Variants in ITSN2 observed in about 807,000 individuals in gnomAD.
The protein encoded by ITSN2 is intersectin 2, also known as intersectin-2.
Under a neutral mutation model 243.7 loss-of-function variants are expected in ITSN2, and 156 were observed. The ratio of observed to expected loss-of-function variants is 0.64; its 90% CI spans 0.56 to 0.73. The LOEUF is 0.73. ITSN2 is among the 30% of genes least tolerant of loss of function. The pLI is 0.00. For synonymous variants in ITSN2, 703 were observed against 699.9 expected, an observed-to-expected ratio of 1.00 and a Z score of -0.07; for missense variants, 1,801 against 1,996.1, an observed-to-expected ratio of 0.90 and a Z score of 1.86.
At chr2:24,231,856 T>A (rs1352498427) in intron 29 of ITSN2, among the ~76,000 whole-genome samples, 1 of 152,198 alleles carries the variant, frequency 6.6e-6, no homozygotes, top group East Asian at 1.9e-4. Context: ...TGTGCCCACT[T>A]ATGCGGCCAG....
intron 1 of ITSN2, 32 bp from the exon 2 acceptor site, chr2:24,328,147 TACA>T (rs1265954548): frequency 5.9e-6 from 9 of 1,522,450 alleles, no homozygotes; most frequent in East Asian, 2.3e-5. Flanking sequence ...CCGTTGATAA[TACA>T]ACAAGGGCAA....
At chr2:24,289,634 C>T (rs1053316495) in intron 15 of ITSN2, among the ~76,000 whole-genome samples, 4 of 152,172 alleles carry the variant, frequency 2.6e-5, no homozygotes, top group African/African-American at 9.7e-5. Context: ...TCCAGCATTA[C>T]GTTGAACAGA....
intron 20 of ITSN2, among the ~76,000 whole-genome samples, chr2:24,266,116 A>AT (rs1183983802): frequency 6.6e-6 from 1 of 152,236 alleles, no homozygotes; most frequent in African/African-American, 2.4e-5. Context: ...GCCTTCCTCC[A>AT]TCCTATCCTT....
chr2:24,352,058 T>A (rs1688068427), intron 1 of ITSN2, among the ~76,000 whole-genome samples: 1 of 152,200 alleles, frequency 6.6e-6, no homozygotes, highest in South Asian at 2.1e-4. Flanking sequence ...ATTAATCTCT[T>A]ACTGTGCCTA....
chr2:24,228,024 T>G (rs1269416829), intron 29 of ITSN2, among the ~76,000 whole-genome samples: 1 of 152,120 alleles, frequency 6.6e-6, no homozygotes, highest in African/African-American at 2.4e-5. Context: ...ATATTGAGAT[T>G]ATAATGGCTG....
intron 12 of ITSN2, 39 bp from the exon 13 acceptor site, chr2:24,298,853 A>G: frequency 1.3e-6 from 2 of 1,560,216 alleles, no homozygotes; most frequent in South Asian, 1.2e-5. Context: ...TTTTAAATCA[A>G]AAATTTTGCA....
chr2:24,357,549 T>C (rs926238754), intron 1 of ITSN2, among the ~76,000 whole-genome samples: 5 of 152,160 alleles, frequency 3.3e-5, no homozygotes, highest in African/African-American at 1.2e-4. Flanking sequence ...CACGTATACC[T>C]ATGTAACAAA....
intron 24 of ITSN2, among the ~76,000 whole-genome samples, chr2:24,253,269 C>T (rs1429427453): frequency 6.6e-6 from 1 of 152,096 alleles, no homozygotes; most frequent in Non-Finnish European, 1.5e-5. Context: ...GAAACACCAC[C>T]TACAACCTAT....
Position 24,204,543 on chromosome 2 carries a change from C to CT in ITSN2, c.4763-126_4763-125insA. The CT allele has an allele frequency of 2.2e-5, 19 of 853,994 alleles. No individual in the cohort carries two copies. Among genetic ancestry groups the CT allele is most frequent in the Non-Finnish European group, 3.6e-5 (18 of 505,496 alleles). 52.9% of individuals were successfully genotyped at this position (853,994 alleles called of 1,614,324 possible). A position where few individuals can be genotyped will look rare whatever the true frequency, so the allele number is the denominator to read the frequency against. On this transcript the variant is annotated intron_variant, in intron 38 of 39. Coordinates refer to ENST00000355123, the MANE Select transcript of ITSN2 (RefSeq NM_006277.3). The surrounding 1 kb of genome is among the most constrained non-coding windows in gnomAD (Gnocchi z 5.1). ...CACTCGAGACCATGGCAGCAGGAGCCGCTGCCTGGGGCACCATATCCCTGT... is the reference window on the plus strand; with the variant it reads ...CACTCGAGACCATGGCAGCAGGAGCCTGCTGCCTGGGGCACCATATCCCTGT...
At chr2:24,286,503 T>C in intron 15 of ITSN2, 152 bp from the exon 16 acceptor site, 1 of 560,606 alleles carries the variant, frequency 1.8e-6, no homozygotes, top group Non-Finnish European at 3.1e-6. Context: ...CATTCAGTTG[T>C]TATTTCCACT....
chr2:24,265,807 T>C (rs1330047516), intron 20 of ITSN2, among the ~76,000 whole-genome samples: 1 of 152,244 alleles, frequency 6.6e-6, no homozygotes, highest in African/African-American at 2.4e-5. Context: ...ACCTGGCACA[T>C]GCAAGCCTCA....
At chr2:24,344,734 C>T (rs528989016) in intron 1 of ITSN2, among the ~76,000 whole-genome samples, 138 of 152,206 alleles carry the variant, frequency 9.1e-4, no homozygotes, top group African/African-American at 3.3e-3. Context: ...GGTGGATCAC[C>T]TGAGGTCAGG....
At chr2:24,260,610 ATTG>A (rs1384414885) in intron 22 of ITSN2, among the ~76,000 whole-genome samples, 1 of 152,190 alleles carries the variant, frequency 6.6e-6, no homozygotes, top group African/African-American at 2.4e-5. Context: ...ATGGAAAAGA[ATTG>A]TTGAGAAACC....
At chr2:24,271,743 T>C in intron 19 of ITSN2, 23 bp downstream of exon 19, 4 of 1,543,052 alleles carry the variant, frequency 2.6e-6, no homozygotes, top group Non-Finnish European at 2.6e-6. Context: ...TGTTCTACTG[T>C]CTCAAAGTAT....
intron 1 of ITSN2, among the ~76,000 whole-genome samples, chr2:24,352,812 G>A: frequency 6.6e-6 from 1 of 152,150 alleles, no homozygotes; most frequent in African/African-American, 2.4e-5. Flanking sequence ...CCCACACAAA[G>A]GGGGATAAAA....
chr2:24,301,135 C>A lies in ITSN2; in HGVS notation c.1081+19G>T. The A allele has an allele frequency of 7.1e-7, 1 of 1,414,010 alleles. No homozygotes were observed. Among genetic ancestry groups the A allele is most frequent in the South Asian group, 1.2e-5 (1 of 82,392 alleles). The allele number at this position is 1,414,010 out of a possible 1,614,324, so 87.6% of individuals were successfully genotyped here. A position where few individuals can be genotyped will look rare whatever the true frequency, so the allele number is the denominator to read the frequency against. On this transcript the variant is annotated intron_variant, in intron 11 of 39. Coordinates refer to ENST00000355123, the MANE Select transcript of ITSN2 (RefSeq NM_006277.3). ...AAAAGAACTCAGTATAAATATACAA[C>A]TTTGACACTCAGTGATACCTGGTAA...
At chr2:24,229,354 C>G (rs1240648211) in intron 29 of ITSN2, among the ~76,000 whole-genome samples, 1 of 152,094 alleles carries the variant, frequency 6.6e-6, no homozygotes, top group Non-Finnish European at 1.5e-5. Flanking sequence ...TTTGGGAGGT[C>G]GAGGTGGGCA....
intron 18 of ITSN2, among the ~76,000 whole-genome samples, chr2:24,272,323 T>G (rs945394429): frequency 1.3e-5 from 2 of 152,196 alleles, no homozygotes; most frequent in Admixed American, 6.5e-5. Flanking sequence ...TGACAAGAAC[T>G]GTCTTCCAGC....
chr2:24,343,548 T>C (rs916941105), intron 1 of ITSN2, among the ~76,000 whole-genome samples: 2 of 152,218 alleles, frequency 1.3e-5, no homozygotes, highest in Admixed American at 6.5e-5. Context: ...TCTTCATACA[T>C]GTGTGTAAAT....
Sources: gnomAD v4.1 joint callset for allele counts (sites outside exome capture counted in the v4.1 genomes callset) on GRCh38, gnomAD v4.1.1 for gene constraint, Gnocchi (gnomAD v3.1) non-coding constraint, MANE v1.5 for transcripts, NCBI Gene and HGNC (gene_info 2026-07-23, HGNC 2026-07-21) for gene names.